The following MGAT5 variants were observed in gnomAD, a reference collection of about 807,000 sequenced individuals.
MGAT5 encodes the protein alpha-1,6-mannosylglycoprotein 6-beta-N-acetylglucosaminyltransferase A.
MGAT5 carries 30 observed loss-of-function variants against 94.3 expected under a neutral mutation model. The observed-to-expected ratio is 0.32, with a 90% confidence interval of 0.24 to 0.43. The LOEUF (loss-of-function observed/expected upper bound fraction) is 0.43, where lower values mean the gene tolerates loss of function less well. MGAT5 is among the 20% of genes least tolerant of loss of function. MGAT5 has a pLI of 1.00. For synonymous variants in MGAT5, 310 were observed against 322.9 expected, an observed-to-expected ratio of 0.96 and a Z score of 0.43; for missense variants, 691 against 905.5, an observed-to-expected ratio of 0.76 and a Z score of 3.04.
At chr2:134,180,701 T>C (rs1558973247) in intron 1 of MGAT5, among the ~76,000 whole-genome samples, 1 of 152,164 alleles carries the variant, frequency 6.6e-6, no homozygotes, top group Non-Finnish European at 1.5e-5. Context: ...TCTGTTCTAC[T>C]TTGACCTGAC....
intron 4 of MGAT5, among the ~76,000 whole-genome samples, chr2:134,329,952 G>A (rs1160374713): frequency 6.6e-6 from 1 of 152,106 alleles, no homozygotes; most frequent in Admixed American, 6.6e-5. Context: ...TAGAGGAATC[G>A]GGAGTTGGCA....
chr2:134,183,226 T>C (rs1045544782), intron 1 of MGAT5, among the ~76,000 whole-genome samples: 1 of 152,246 alleles, frequency 6.6e-6, no homozygotes, highest in African/African-American at 2.4e-5. Flanking sequence ...CATGCATGGG[T>C]TCACTAATCA....
intron 1 of MGAT5, among the ~76,000 whole-genome samples, chr2:134,142,681 C>T (rs920718984): frequency 6.6e-6 from 1 of 152,206 alleles, no homozygotes; most frequent in African/African-American, 2.4e-5. Flanking sequence ...TGGAATGAAT[C>T]AGAAGCTGAG....
intron 4 of MGAT5, among the ~76,000 whole-genome samples, chr2:134,326,257 T>A (rs1405266120): frequency 1.3e-5 from 2 of 152,078 alleles, no homozygotes; most frequent in Non-Finnish European, 2.9e-5. Context: ...TTTCTTCTTT[T>A]TGCTTGCTTG....
At chr2:134,405,303 G>A (rs1683270767) in intron 11 of MGAT5, among the ~76,000 whole-genome samples, 1 of 152,214 alleles carries the variant, frequency 6.6e-6, no homozygotes, top group African/African-American at 2.4e-5. Context: ...TGGGACCCGT[G>A]TAGAGGATGT....
At chr2:134,352,586 G>A (rs1208151627) in intron 9 of MGAT5, among the ~76,000 whole-genome samples, 1 of 152,182 alleles carries the variant, frequency 6.6e-6, no homozygotes, top group Non-Finnish European at 1.5e-5. Context: ...GATTGCCATT[G>A]GATAAAGTGA....
At chr2:134,445,844 G>A (rs1049546621) in intron 15 of MGAT5, among the ~76,000 whole-genome samples, 1 of 152,288 alleles carries the variant, frequency 6.6e-6, no homozygotes, top group Non-Finnish European at 1.5e-5. Flanking sequence ...CCTAGGGGTT[G>A]AGGATCCTGG....
At position 134,305,929 on chromosome 2, in the gene MGAT5, C is replaced by G. The variant is rs973587163; in HGVS notation, c.407-11600C>G. 3.3e-5 allele frequency among the ~76,000 whole-genome samples: 5 copies of G among 152,128 alleles called. No individual in the cohort carries two copies. The East Asian group carries it at 9.6e-4, about 29-fold the overall frequency. On this transcript the variant is annotated intron_variant, in intron 2 of 15. Coordinates refer to ENST00000281923, the MANE Select transcript of MGAT5 (RefSeq NM_002410.5). ...AGTATCTTGAATTTTTAATGTCTCC[C>G]ACCTATTTCTCAGTATATTTTCTTA...
intron 1 of MGAT5, among the ~76,000 whole-genome samples, chr2:134,129,971 A>G (rs896194053): frequency 1.8e-4 from 28 of 152,174 alleles, no homozygotes; most frequent in African/African-American, 6.5e-4. Flanking sequence ...CCAGGGCTGC[A>G]GCACTCACAG....
chr2:134,345,620 C>T (rs539359741), intron 8 of MGAT5, among the ~76,000 whole-genome samples: 16 of 152,202 alleles, frequency 1.1e-4, no homozygotes, highest in African/African-American at 2.9e-4. Context: ...TTTGGGACCA[C>T]GATTTAATAT....
At chr2:134,393,097 G>A (rs533594665) in intron 10 of MGAT5, among the ~76,000 whole-genome samples, 2 of 152,350 alleles carry the variant, frequency 1.3e-5, no homozygotes, top group African/African-American at 4.8e-5. Context: ...GAATACCCAC[G>A]TGAGATAATA....
At chr2:134,223,557 G>A (rs1479373311) in intron 1 of MGAT5, among the ~76,000 whole-genome samples, 3 of 152,014 alleles carry the variant, frequency 2.0e-5, no homozygotes, top group African/African-American at 7.3e-5. Flanking sequence ...ATTATAATCT[G>A]CTACTTTCTA....
intron 2 of MGAT5, among the ~76,000 whole-genome samples, chr2:134,298,543 G>A (rs1685827762): frequency 6.6e-6 from 1 of 152,060 alleles, no homozygotes; most frequent in Admixed American, 6.6e-5. Context: ...GAGCTGTTAG[G>A]GCAGTTAGAC....
At chr2:134,328,213 A>G (rs1687756027) in intron 4 of MGAT5, among the ~76,000 whole-genome samples, 1 of 151,958 alleles carries the variant, frequency 6.6e-6, no homozygotes, top group South Asian at 2.1e-4. Context: ...CATCCCTTTA[A>G]ATTCTGCACC....
At chr2:134,329,369 T>C (rs892472763) in intron 4 of MGAT5, among the ~76,000 whole-genome samples, 1 of 152,146 alleles carries the variant, frequency 6.6e-6, no homozygotes, top group Non-Finnish European at 1.5e-5. Context: ...TTGCTCTTGC[T>C]ACATAGAACA....
At chr2:134,202,572 A>T (rs1404954127) in intron 1 of MGAT5, among the ~76,000 whole-genome samples, 1 of 152,218 alleles carries the variant, frequency 6.6e-6, no homozygotes, top group African/African-American at 2.4e-5. Context: ...AGGGTTTAGC[A>T]TTCAGAAGTG....
chr2:134,394,119 A>G (rs1682572464), intron 10 of MGAT5, among the ~76,000 whole-genome samples: 1 of 152,194 alleles, frequency 6.6e-6, no homozygotes, highest in African/African-American at 2.4e-5. Flanking sequence ...CCCACCTCCC[A>G]GATTTCTACA....
chr2:134,319,552 G>T (rs1178408747), intron 4 of MGAT5: 1 of 163,444 alleles, frequency 6.1e-6, no homozygotes, highest in Non-Finnish European at 1.3e-5. Context: ...TATGGTATCA[G>T]TTGCACAGTG....
In MGAT5 at chr2:134,453,948, G is replaced by T. The variant is rs1686228398; in HGVS notation, c.*5101G>T. On this transcript the variant is annotated 3_prime_UTR_variant, in exon 16 of 16. Transcript: ENST00000281923. ...TGGCACAACTCTGGATAGATTGCAG[G>T]TGTGGAATTTGCTGGAGTTTGGTGA... 6.6e-6 allele frequency: 1 copy of T among 152,208 alleles called. No individual in the cohort carries two copies. The highest frequency in any genetic ancestry group is 2.4e-5 in the African/African-American group (1 of 41,440). 9.4% of individuals were successfully genotyped at this position (152,208 alleles called of 1,614,324 possible). A position where few individuals can be genotyped will look rare whatever the true frequency, so the allele number is the denominator to read the frequency against.
Sources: allele counts gnomAD v4.1 joint callset (sites outside exome capture counted in the v4.1 genomes callset), GRCh38; gene constraint gnomAD v4.1.1; transcripts MANE v1.5; gene names NCBI Gene and HGNC (gene_info 2026-07-23, HGNC 2026-07-21).